The following THSD7B variants were observed in gnomAD, a reference collection of about 807,000 sequenced individuals.
THSD7B encodes thrombospondin type 1 domain containing 7B, also known as thrombospondin type-1 domain-containing protein 7B.
THSD7B carries 138 observed loss-of-function variants against 213.6 expected under a neutral mutation model. The ratio of observed to expected loss-of-function variants is 0.65; its 90% CI spans 0.56 to 0.74. The LOEUF (loss-of-function observed/expected upper bound fraction) is 0.74. Among genes scored for constraint, THSD7B ranks in the 30% least tolerant of loss-of-function variants. The pLI is 0.00. For synonymous variants in THSD7B, 742 were observed against 687.0 expected (o/e 1.08, Z -1.25); for missense variants, 1,931 against 1,991.5 (o/e 0.97, Z 0.58).
At chr2:137,305,132 T>C (rs1206016746) in intron 12 of THSD7B, among the ~76,000 whole-genome samples, 1 of 152,154 alleles carries the variant, frequency 6.6e-6, no homozygotes, top group Non-Finnish European at 1.5e-5. Context: ...GATGATTTTA[T>C]TTTGCTCTGA....
At chr2:136,849,883 T>A (rs1321574758) in intron 1 of THSD7B, among the ~76,000 whole-genome samples, 1 of 152,158 alleles carries the variant, frequency 6.6e-6, no homozygotes, top group Non-Finnish European at 1.5e-5. Context: ...ATAGTTTTTT[T>A]ATATTTGCTT....
chr2:137,093,112 G>GAATGCC (rs756237737), intron 3 of THSD7B, among the ~76,000 whole-genome samples: 7 of 152,184 alleles, frequency 4.6e-5, no homozygotes, highest in Non-Finnish European at 8.8e-5. Flanking sequence ...AAAAGGAACA[G>GAATGCC]AATGCCAATT....
intron 15 of THSD7B, among the ~76,000 whole-genome samples, chr2:137,539,770 G>A (rs1180440732): frequency 6.6e-6 from 1 of 151,636 alleles, no homozygotes; most frequent in Non-Finnish European, 1.5e-5. Flanking sequence ...CATGACACAT[G>A]CAACTTCGTG....
intron 27 of THSD7B, among the ~76,000 whole-genome samples, chr2:137,670,227 C>A (rs1683533142): frequency 6.6e-6 from 1 of 152,134 alleles, no homozygotes; most frequent in African/African-American, 2.4e-5. Flanking sequence ...AGTCTACAGC[C>A]AGATTCGTCT....
chr2:137,349,960 G>T (rs1684970707), intron 12 of THSD7B, among the ~76,000 whole-genome samples: 1 of 151,796 alleles, frequency 6.6e-6, no homozygotes, highest in Non-Finnish European at 1.5e-5. Context: ...TTTCTATTAT[G>T]GAACACACAG....
chr2:137,212,533 A>G (rs1681137271), intron 7 of THSD7B, among the ~76,000 whole-genome samples: 1 of 152,118 alleles, frequency 6.6e-6, no homozygotes, highest in Non-Finnish European at 1.5e-5. Flanking sequence ...ATAATTTTAA[A>G]GCAAATTAAA....
chr2:137,000,584 T>A (rs189279807), intron 2 of THSD7B, among the ~76,000 whole-genome samples: 2 of 152,180 alleles, frequency 1.3e-5, no homozygotes, highest in Non-Finnish European at 2.9e-5. Context: ...TTGTTATAGG[T>A]TATAATTGGC....
intron 15 of THSD7B, among the ~76,000 whole-genome samples, chr2:137,453,547 T>C (rs1334849822): frequency 6.6e-6 from 1 of 152,052 alleles, no homozygotes; most frequent in Non-Finnish European, 1.5e-5. Flanking sequence ...GCCATGATGG[T>C]CTCAATCTCC....
intron 12 of THSD7B, among the ~76,000 whole-genome samples, chr2:137,370,224 C>T (rs1178268635): frequency 6.6e-6 from 1 of 152,008 alleles, no homozygotes; most frequent in Non-Finnish European, 1.5e-5. Context: ...TAGATTTAAT[C>T]TGTTTTATTC....
At chr2:136,831,520 A>T (rs981445243) in intron 1 of THSD7B, among the ~76,000 whole-genome samples, 3 of 152,322 alleles carry the variant, frequency 2.0e-5, no homozygotes, top group East Asian at 1.9e-4. Context: ...TTAAGTACAC[A>T]CTATTGTGTT....
chr2:137,550,831 A>T (rs1444583322), intron 15 of THSD7B, among the ~76,000 whole-genome samples: 1 of 152,024 alleles, frequency 6.6e-6, no homozygotes, highest in African/African-American at 2.4e-5. Context: ...GCCAGAGGGA[A>T]AGGGTTAAGT....
chr2:137,228,750 G>T (rs1243259063), intron 7 of THSD7B, among the ~76,000 whole-genome samples: 1 of 152,124 alleles, frequency 6.6e-6, no homozygotes, highest in African/African-American at 2.4e-5. Context: ...GAATCACGCA[G>T]TTGCAACTTG....
At chr2:137,310,391 T>A (rs7559240) in intron 12 of THSD7B, among the ~76,000 whole-genome samples, 131,383 of 133,014 alleles carry the variant, frequency 0.99, 64,905 homozygotes, top group Middle Eastern at 1. Flanking sequence ...TTCATTGTAG[T>A]TTCTGGATAT....
chr2:136,999,916 G>T (rs1009877204), intron 2 of THSD7B, among the ~76,000 whole-genome samples: 1 of 152,042 alleles, frequency 6.6e-6, no homozygotes, highest in East Asian at 1.9e-4. Flanking sequence ...GAGCAGTTAG[G>T]GTTCCAAATT....
chr2:137,118,070 T>C (rs769046695), intron 5 of THSD7B, among the ~76,000 whole-genome samples: 2 of 152,228 alleles, frequency 1.3e-5, no homozygotes, highest in Non-Finnish European at 2.9e-5. Flanking sequence ...AATCAATGTA[T>C]GTATTACCAG....
At chr2:136,800,202 A>G (rs1682150858) in intron 1 of THSD7B, among the ~76,000 whole-genome samples, 1 of 152,052 alleles carries the variant, frequency 6.6e-6, no homozygotes, top group South Asian at 2.1e-4. Flanking sequence ...TACTTTAAAT[A>G]GTTTTCAACT....
intron 21 of THSD7B, among the ~76,000 whole-genome samples, chr2:137,650,937 G>A (rs915555440): frequency 1.3e-5 from 2 of 152,148 alleles, no homozygotes; most frequent in African/African-American, 2.4e-5. Flanking sequence ...CCTGATCATG[G>A]TGAATGATCT....
intron 15 of THSD7B, among the ~76,000 whole-genome samples, chr2:137,503,666 A>G (rs1390053384): frequency 6.6e-6 from 1 of 152,212 alleles, no homozygotes; most frequent in Non-Finnish European, 1.5e-5. Flanking sequence ...TTCAAGGTAC[A>G]TAATATTTGT....
intron 14 of THSD7B, among the ~76,000 whole-genome samples, chr2:137,418,660 T>G (rs1558790926): frequency 6.6e-6 from 1 of 152,088 alleles, no homozygotes; most frequent in African/African-American, 2.4e-5. Flanking sequence ...AAGTATATAT[T>G]TGTACCCGTT....
Sources: allele counts gnomAD v4.1 joint callset (sites outside exome capture counted in the v4.1 genomes callset), GRCh38; gene constraint gnomAD v4.1.1; transcripts MANE v1.5; gene names NCBI Gene and HGNC (gene_info 2026-07-23, HGNC 2026-07-21).